Variants in RBFOX1 observed in about 807,000 individuals in gnomAD.
The protein encoded by RBFOX1 is RNA binding protein fox-1 homolog 1.
In RBFOX1, 8 loss-of-function variants were observed where a neutral mutation model predicts 57.7. That is an observed-to-expected ratio of 0.14 (90% CI 0.08 to 0.25). The LOEUF (loss-of-function observed/expected upper bound fraction) is 0.25, where lower values mean the gene tolerates loss of function less well. Among genes scored for constraint, RBFOX1 ranks in the 10% least tolerant of loss-of-function variants. The pLI is 1.00. For synonymous variants in RBFOX1, 326 were observed against 222.4 expected (o/e 1.47, Z -4.15); for missense variants, 611 against 548.5 (o/e 1.11, Z -1.14).
intron 3 of RBFOX1, among the ~76,000 whole-genome samples, chr16:6,673,270 G>A (rs1035940920): frequency 1.9e-4 from 29 of 152,018 alleles, no homozygotes; most frequent in Admixed American, 1.2e-3. Context: ...ATCCCTGTAC[G>A]AAGTTGCAAG....
At chr16:5,904,517 G>C (rs1360353582) in intron 4 of RBFOX1, among the ~76,000 whole-genome samples, 2 of 151,856 alleles carry the variant, frequency 1.3e-5, no homozygotes, top group Admixed American at 6.6e-5. Context: ...GATGGTGGTG[G>C]GAGTGGGTAG....
chr16:6,508,351 C>T (rs2096164573), intron 2 of RBFOX1, among the ~76,000 whole-genome samples: 2 of 152,020 alleles, frequency 1.3e-5, no homozygotes, highest in African/African-American at 2.4e-5. Context: ...GCACTTGTCC[C>T]CGAACATAAA....
intron 1 of RBFOX1, among the ~76,000 whole-genome samples, chr16:6,272,942 A>G (rs1281302335): frequency 6.6e-6 from 1 of 152,208 alleles, no homozygotes; most frequent in African/African-American, 2.4e-5. Context: ...TTGATATAAA[A>G]CATAAAACTA....
intron 9 of RBFOX1, among the ~76,000 whole-genome samples, chr16:7,601,961 G>A (rs2095047606): frequency 6.6e-6 from 1 of 152,178 alleles, no homozygotes; most frequent in African/African-American, 2.4e-5. Context: ...TTTGAGAGTT[G>A]CCACCTGTAC....
chr16:5,423,854 G>A (rs1597000067), intron 1 of RBFOX1, among the ~76,000 whole-genome samples: 1 of 152,126 alleles, frequency 6.6e-6, no homozygotes, highest in African/African-American at 2.4e-5. Flanking sequence ...CAGTGGCCAG[G>A]CTCATTGAGG....
chr16:7,493,865 A>C (rs541680411), intron 4 of RBFOX1, among the ~76,000 whole-genome samples: 38 of 152,340 alleles, frequency 2.5e-4, no homozygotes, highest in African/African-American at 8.4e-4. Flanking sequence ...TAAAATCATC[A>C]TTATCATTGT....
At chr16:7,091,423 G>C (rs74008726) in intron 4 of RBFOX1, among the ~76,000 whole-genome samples, 1 of 151,370 alleles carries the variant, frequency 6.6e-6, no homozygotes, top group Non-Finnish European at 1.5e-5. Context: ...AATGGGAGAA[G>C]AGCAACAAGT....
chr16:5,394,851 G>A (rs2066506891), intron 1 of RBFOX1, among the ~76,000 whole-genome samples: 1 of 152,098 alleles, frequency 6.6e-6, no homozygotes, highest in South Asian at 2.1e-4. Context: ...TGCCTGGCCT[G>A]TCTTTTTTTT....
At chr16:5,868,174 T>C (rs2057387081) in intron 4 of RBFOX1, among the ~76,000 whole-genome samples, 1 of 152,204 alleles carries the variant, frequency 6.6e-6, no homozygotes, top group African/African-American at 2.4e-5. Context: ...CTGCAAAATA[T>C]GCCCAGCACG....
At chr16:6,827,452 T>A (rs2092296824) in intron 3 of RBFOX1, among the ~76,000 whole-genome samples, 1 of 152,194 alleles carries the variant, frequency 6.6e-6, no homozygotes, top group African/African-American at 2.4e-5. Flanking sequence ...GCAGTCTCAG[T>A]ATGATGACAG....
chr16:5,734,869 A>T (rs1003532627), intron 3 of RBFOX1, among the ~76,000 whole-genome samples: 1 of 152,168 alleles, frequency 6.6e-6, no homozygotes, highest in Non-Finnish European at 1.5e-5. Context: ...CAAAAGTAAC[A>T]TCGTGAGACA....
chr16:7,023,029 A>G (rs2039772320), intron 3 of RBFOX1, among the ~76,000 whole-genome samples: 1 of 152,212 alleles, frequency 6.6e-6, no homozygotes, highest in East Asian at 1.9e-4. Flanking sequence ...GTTGAAAAAT[A>G]AGAAGGAATG....
chr16:7,051,314 A>G (rs2049992145), intron 3 of RBFOX1, among the ~76,000 whole-genome samples: 1 of 152,178 alleles, frequency 6.6e-6, no homozygotes, highest in South Asian at 2.1e-4. Flanking sequence ...GACTCCACCC[A>G]TCCCCTTAAC....
intron 9 of RBFOX1, among the ~76,000 whole-genome samples, chr16:7,604,713 T>A (rs1411098203): frequency 4.6e-5 from 7 of 152,202 alleles, no homozygotes; most frequent in Non-Finnish European, 7.3e-5. Flanking sequence ...ATCTGGAATT[T>A]TTTGCTTTGT....
intron 1 of RBFOX1, among the ~76,000 whole-genome samples, chr16:5,301,354 T>C (rs180767280): frequency 6.6e-6 from 1 of 152,150 alleles, no homozygotes; most frequent in Admixed American, 6.5e-5. Context: ...GTGCGGTGGC[T>C]CATGCCTGTA....
At chr16:6,558,643 C>T (rs2097137641) in intron 2 of RBFOX1, among the ~76,000 whole-genome samples, 1 of 152,088 alleles carries the variant, frequency 6.6e-6, no homozygotes, top group African/African-American at 2.4e-5. Flanking sequence ...AAAATTGTCC[C>T]TTATAACCAA....
chr16:7,708,539 C>A (rs758494), intron 14 of RBFOX1, among the ~76,000 whole-genome samples: 34 of 152,300 alleles, frequency 2.2e-4, no homozygotes, highest in Non-Finnish European at 4.4e-4. Context: ...CCCTTTAAGG[C>A]TGCTTCCATT....
At chr16:7,072,768 T>C (rs140980839) in intron 4 of RBFOX1, among the ~76,000 whole-genome samples, 3 of 152,380 alleles carry the variant, frequency 2.0e-5, no homozygotes, top group African/African-American at 7.2e-5. Context: ...CACAGAGCTG[T>C]GATCCTTCAG....
intron 3 of RBFOX1, among the ~76,000 whole-genome samples, chr16:6,989,313 A>G (rs956808367): frequency 2.6e-5 from 4 of 152,226 alleles, no homozygotes; most frequent in Non-Finnish European, 5.9e-5. Flanking sequence ...TATATTTACA[A>G]TTATATGTGC....
Sources: allele counts gnomAD v4.1 joint callset (sites outside exome capture counted in the v4.1 genomes callset), GRCh38; gene constraint gnomAD v4.1.1; transcripts MANE v1.5; gene names NCBI Gene and HGNC (gene_info 2026-07-23, HGNC 2026-07-21).